The following CEP89 variants were observed in gnomAD, a reference collection of about 807,000 sequenced individuals.
CEP89 encodes the protein centrosomal protein 89.
Under a neutral mutation model 97.6 loss-of-function variants are expected in CEP89, and 95 were observed. The ratio of observed to expected loss-of-function variants is 0.97; its 90% CI spans 0.82 to 1.15. The LOEUF (loss-of-function observed/expected upper bound fraction) is 1.15. Ranked by LOEUF, CEP89 falls within the 50% of genes most tolerant of loss-of-function variation. The pLI is 0.00. For missense variants in CEP89, 869 were observed against 947.7 expected, an observed-to-expected ratio of 0.92 and a Z score of 1.09; for synonymous variants, 354 against 349.1, an observed-to-expected ratio of 1.01 and a Z score of -0.16.
intron 14 of CEP89, among the ~76,000 whole-genome samples, chr19:32,913,307 TTTTTTGTTGTTGTTGTTGTTG>T (rs1568556707): frequency 3.1e-4 from 6 of 19,398 alleles, no homozygotes; most frequent in African/African-American, 1.5e-3. Context: ...ATATATATAT[TTTTTTGTTGTTGTTGTTGTTG>T]TTGTTGTTGT....
intron 1 of CEP89, chr19:32,971,610 T>A (rs1971411665): frequency 3.3e-6 from 2 of 600,202 alleles, no homozygotes; most frequent in Non-Finnish European, 5.9e-6. Context: ...TGAGCTATGA[T>A]CGCACCACTG....
chr19:32,943,014 T>C (rs753926243), intron 5 of CEP89, among the ~76,000 whole-genome samples: 34 of 151,028 alleles, frequency 2.3e-4, no homozygotes, highest in Middle Eastern at 6.8e-3. Context: ...CTCCAGCTGC[T>C]GGGCTCAGAT....
At chr19:32,886,755 AAG>A (rs1482018549) in intron 17 of CEP89, among the ~76,000 whole-genome samples, 3 of 148,620 alleles carry the variant, frequency 2.0e-5, no homozygotes, top group African/African-American at 7.9e-5. Flanking sequence ...AAAAGAAAGA[AAG>A]AGAGAAAAGA....
intron 1 of CEP89, chr19:32,971,606 A>C: frequency 1.7e-6 from 1 of 598,762 alleles, no homozygotes; most frequent in Admixed American, 2.9e-5. Flanking sequence ...GCAGTGAGCT[A>C]TGATCGCACC....
At position 32,890,658 on chromosome 19, in the gene CEP89, G is replaced by A. The variant is rs564305111; in HGVS notation, c.1876-2817C>T. On this transcript the variant is annotated intron_variant, in intron 16 of 18. Coordinates refer to ENST00000305768, the MANE Select transcript of CEP89 (RefSeq NM_032816.5). ...GAGCCTGGAGAGGCTCCCCTGTGTC[G>A]GGAAAGGGTGAGAGATCCCCAGGGG... Among the ~76,000 whole-genome samples, 696 of 152,202 alleles carry A rather than the reference G, an allele frequency of 4.6e-3. 5 individuals are homozygous for A. The highest frequency in any genetic ancestry group is 6.7e-3 in the Non-Finnish European group (453 of 67,988).
At chr19:32,901,486 G>T in intron 14 of CEP89, 74 bp from the exon 15 acceptor site, 1 of 1,484,200 alleles carries the variant, frequency 6.7e-7, no homozygotes, top group Non-Finnish European at 9.2e-7. Flanking sequence ...TAACGAGGAA[G>T]ATGAGTGATA....
At chr19:32,889,187 T>C (rs1334439198) in intron 16 of CEP89, among the ~76,000 whole-genome samples, 1 of 152,136 alleles carries the variant, frequency 6.6e-6, no homozygotes, top group Non-Finnish European at 1.5e-5. Flanking sequence ...CCCCTGGACC[T>C]GGCTAGAGGG....
intron 2 of CEP89, among the ~76,000 whole-genome samples, chr19:32,961,883 ATCCTCCT>A (rs1242517237): frequency 3.9e-5 from 6 of 151,980 alleles, no homozygotes; most frequent in Non-Finnish European, 7.4e-5. Flanking sequence ...GGCTCAAGTA[ATCCTCCT>A]GCCTCAGTCT....
intron 2 of CEP89, among the ~76,000 whole-genome samples, chr19:32,962,602 A>G (rs1407781006): frequency 1.3e-5 from 2 of 152,236 alleles, no homozygotes; most frequent in Non-Finnish European, 2.9e-5. Context: ...TGATCCATAA[A>G]AGAAAAAATT....
intron 17 of CEP89, among the ~76,000 whole-genome samples, chr19:32,882,518 C>T (rs1323440197): frequency 6.7e-6 from 1 of 150,276 alleles, no homozygotes; most frequent in African/African-American, 2.5e-5. Flanking sequence ...AGTGTGATCA[C>T]GCCACTGCAC....
At chr19:32,911,628 G>T (rs1970003007) in intron 14 of CEP89, among the ~76,000 whole-genome samples, 1 of 152,160 alleles carries the variant, frequency 6.6e-6, no homozygotes, top group South Asian at 2.1e-4. Flanking sequence ...CTTCAGCCTG[G>T]GTGACAGAGG....
intron 9 of CEP89, among the ~76,000 whole-genome samples, 191 bp from the exon 10 acceptor site, chr19:32,927,175 T>A (rs374371590): frequency 6.6e-6 from 1 of 151,808 alleles, no homozygotes; most frequent in African/African-American, 2.4e-5. Flanking sequence ...TATCCATCCA[T>A]CCATCCATCC....
At chr19:32,954,371 T>TG (rs1393452201) in intron 3 of CEP89, among the ~76,000 whole-genome samples, 10 of 127,078 alleles carry the variant, frequency 7.9e-5, no homozygotes, top group East Asian at 7.3e-4. Context: ...TTTGTTTTTT[T>TG]GTTTTTTTTT....
At chr19:32,955,055 G>A (rs577522011) in intron 3 of CEP89, among the ~76,000 whole-genome samples, 126 of 152,004 alleles carry the variant, frequency 8.3e-4, no homozygotes, top group African/African-American at 2.9e-3. Flanking sequence ...TGCAATCTTG[G>A]CTTACTGCAG....
At chr19:32,879,986 C>A (rs1969247346) in intron 18 of CEP89, among the ~76,000 whole-genome samples, 1 of 152,296 alleles carries the variant, frequency 6.6e-6, no homozygotes, top group East Asian at 1.9e-4. Context: ...GCCCATGTGC[C>A]GGGATGGGGA....
At chr19:32,915,020 CA>C (rs138706749) in intron 14 of CEP89, among the ~76,000 whole-genome samples, 101 of 142,506 alleles carry the variant, frequency 7.1e-4, no homozygotes, top group South Asian at 6.7e-4. Context: ...GAGTCCGTCC[CA>C]AAAAAAAAAA....
At chr19:32,885,802 T>C (rs183300254) in intron 17 of CEP89, among the ~76,000 whole-genome samples, 133 of 152,350 alleles carry the variant, frequency 8.7e-4, no homozygotes, top group African/African-American at 3.1e-3. Context: ...GTTTCTTCTT[T>C]GGAGGCTCTA....
At chr19:32,964,028 T>C (rs1176020483) in intron 2 of CEP89, among the ~76,000 whole-genome samples, 1 of 151,938 alleles carries the variant, frequency 6.6e-6, no homozygotes, top group African/African-American at 2.4e-5. Flanking sequence ...ACTGGACTCA[T>C]ATACTGTTGG....
chr19:32,937,426 A>C, intron 7 of CEP89: 1 of 545,006 alleles, frequency 1.8e-6, no homozygotes, highest in Admixed American at 3.5e-5. Flanking sequence ...CCCAGGTCCA[A>C]CCCCCACCCT....
Sources: gnomAD v4.1 joint callset for allele counts (sites outside exome capture counted in the v4.1 genomes callset) on GRCh38, gnomAD v4.1.1 for gene constraint, MANE v1.5 for transcripts, NCBI Gene and HGNC (gene_info 2026-07-23, HGNC 2026-07-21) for gene names.